The following COL5A1 variants were observed in gnomAD, a reference collection of about 807,000 sequenced individuals.
COL5A1 encodes collagen type V alpha 1 chain, also known as collagen alpha-1(V) chain.
In COL5A1, 16 loss-of-function variants were observed where a neutral mutation model predicts 263.7. The ratio of observed to expected loss-of-function variants is 0.06; its 90% CI spans 0.04 to 0.09. The LOEUF is 0.09. Ranked by LOEUF, COL5A1 falls within the 10% of genes least tolerant of loss-of-function variation. The probability of loss-of-function intolerance (pLI) is 1.00; values close to 1 mark genes in which losing one functional copy is unlikely to be tolerated. For synonymous variants in COL5A1, 1,012 were observed against 1,004.5 expected (o/e 1.01, Z -0.14); for missense variants, 2,036 against 2,540.5 (o/e 0.80, Z 4.27).
chr9:134,722,536 G>A (rs2132623258), intron 4 of COL5A1, among the ~76,000 whole-genome samples: 1 of 152,354 alleles, frequency 6.6e-6, no homozygotes, highest in South Asian at 2.1e-4. Flanking sequence ...TTCCGGGGAA[G>A]CAGAGCTGGA....
chr9:134,840,353 C>G (rs886849347), intron 65 of COL5A1, among the ~76,000 whole-genome samples: 4 of 152,162 alleles, frequency 2.6e-5, no homozygotes. Context: ...AAGTTTGGGA[C>G]TCTCATGGAT....
At chr9:134,669,211 T>C (rs1354975222) in intron 1 of COL5A1, among the ~76,000 whole-genome samples, 5 of 107,050 alleles carry the variant, frequency 4.7e-5, no homozygotes, top group East Asian at 6.0e-4. Flanking sequence ...TTCCCTTTCC[T>C]TTTCCCTTCC....
At chr9:134,707,271 C>CTAT (rs1236068573) in intron 4 of COL5A1, among the ~76,000 whole-genome samples, 1 of 152,210 alleles carries the variant, frequency 6.6e-6, no homozygotes, top group African/African-American at 2.4e-5. Flanking sequence ...ACCAAACAGA[C>CTAT]TATAAACTCC....
At chr9:134,655,045 G>T (rs567758734) in intron 1 of COL5A1, among the ~76,000 whole-genome samples, 1 of 122,168 alleles carries the variant, frequency 8.2e-6, no homozygotes, top group Non-Finnish European at 1.8e-5. Context: ...GGGTGTGTAG[G>T]GCTGGTGTGT....
chr9:134,759,204 C>CA (rs1564437054), intron 18 of COL5A1, among the ~76,000 whole-genome samples: 1 of 149,452 alleles, frequency 6.7e-6, no homozygotes, highest in East Asian at 2.0e-4. Flanking sequence ...TGAGTGCACA[C>CA]CCCCCATGCA....
intron 5 of COL5A1, among the ~76,000 whole-genome samples, chr9:134,727,957 G>A (rs1834722118): frequency 1.3e-5 from 2 of 152,334 alleles, no homozygotes; most frequent in South Asian, 4.1e-4. Context: ...CTTATTTGCA[G>A]TTCTTCCTAT....
chr9:134,805,086 G>A (rs765762523), intron 40 of COL5A1, 22 bp downstream of exon 40: 2 of 1,613,852 alleles, frequency 1.2e-6, no homozygotes, highest in Admixed American at 3.3e-5. Context: ...GCCAGGCGGG[G>A]AATGAAATGG....
chr9:134,784,304 T>TA (rs2132769496), intron 29 of COL5A1, among the ~76,000 whole-genome samples: 1 of 152,356 alleles, frequency 6.6e-6, no homozygotes, highest in Admixed American at 6.5e-5. Flanking sequence ...CAGCTGCTCT[T>TA]AGAGACAGAT....
intron 4 of COL5A1, among the ~76,000 whole-genome samples, chr9:134,722,514 G>A (rs1834501478): frequency 6.6e-6 from 1 of 152,228 alleles, no homozygotes; most frequent in Non-Finnish European, 1.5e-5. Context: ...CATGATCCAA[G>A]GAGCTTGGGG....
intron 1 of COL5A1, among the ~76,000 whole-genome samples, chr9:134,665,296 C>T (rs568628261): frequency 1.4e-4 from 22 of 152,310 alleles, no homozygotes; most frequent in Middle Eastern, 3.4e-3. Context: ...TGTGGAGAAC[C>T]GCTGTGCAGC....
At chr9:134,833,924 C>T (rs905316189) in intron 64 of COL5A1, among the ~76,000 whole-genome samples, 1 of 152,170 alleles carries the variant, frequency 6.6e-6, no homozygotes, top group Non-Finnish European at 1.5e-5. Context: ...AGATCAGGGT[C>T]CCTAAGCCAG....
chr9:134,682,025 C>A lies in COL5A1; in HGVS notation c.110-8887C>A, dbSNP rs768293073. Among the ~76,000 whole-genome samples, 3 of 152,136 alleles carry A rather than the reference C, an allele frequency of 2.0e-5. No individual in the cohort carries two copies. The highest frequency in any genetic ancestry group is 2.9e-5 in the Non-Finnish European group (2 of 68,030). On this transcript the variant is annotated intron_variant, in intron 1 of 65. Coordinates refer to ENST00000371817, the MANE Select transcript of COL5A1 (RefSeq NM_000093.5). The surrounding 1 kb of genome is among the most constrained non-coding windows in gnomAD (Gnocchi z 5.1). ...CCTTCCCCGAACCCCTGATCCCCAG[C>A]TCATTCTATCAAGTCCACCCTGGTC...
Position 134,642,172 on chromosome 9 carries a change from C to G in COL5A1, c.-16C>G, listed in dbSNP as rs1831311056. On this transcript the variant is annotated 5_prime_UTR_variant, in exon 1 of 66. Coordinates refer to ENST00000371817, the MANE Select transcript of COL5A1 (RefSeq NM_000093.5). The surrounding 1 kb of genome is among the most constrained non-coding windows in gnomAD (Gnocchi z 4.5). The stretch of plus-strand genomic sequence containing the variant: ...CTCCGAGCGCCCCTGTGCGCCCCGG[C>G]CCGCGCCCCGCCGGCATGGACGTCC... 1.6e-6 allele frequency: 2 copies of G among 1,251,218 alleles called. No homozygotes were observed. Among genetic ancestry groups the G allele is most frequent in the Admixed American group, 4.1e-5 (1 of 24,222 alleles). 77.5% of individuals were successfully genotyped at this position (1,251,218 alleles called of 1,614,324 possible).
Position 134,758,210 on chromosome 9 carries a change from G to T in COL5A1, c.1882-33G>T. ...GCGGGGTGTCCACGTGTGCAGGGTG[G>T]CGTCTGAGGCAGCCTTTCTGTCCTT... is the stretch of plus-strand genomic sequence containing the variant. On this transcript the variant is annotated intron_variant, in intron 17 of 65. Transcript: ENST00000371817. This position sits in a 1 kb window ranked among gnomAD's most constrained non-coding sequence, Gnocchi z 4.1. The T allele has an allele frequency of 6.2e-7, 1 of 1,613,424 alleles. No individual in the cohort carries two copies. Among genetic ancestry groups the T allele is most frequent in the Middle Eastern group, 1.7e-4 (1 of 5,970 alleles).
intron 2 of COL5A1, among the ~76,000 whole-genome samples, chr9:134,698,738 C>T (rs11103468): frequency 0.042 from 6,405 of 152,328 alleles, 151 homozygotes; most frequent in South Asian, 0.077. Flanking sequence ...GCGCTGCTGC[C>T]GCAGATCCAG....
chr9:134,823,606 C>T (rs1839118681), intron 61 of COL5A1, 137 bp downstream of exon 61: 1 of 848,400 alleles, frequency 1.2e-6, no homozygotes, highest in Non-Finnish European at 1.9e-6. Context: ...TTGTCCCTCG[C>T]ACGCAGCCGG....
intron 4 of COL5A1, among the ~76,000 whole-genome samples, chr9:134,718,083 G>T (rs923218184): frequency 3.3e-5 from 5 of 152,198 alleles, no homozygotes; most frequent in African/African-American, 1.2e-4. Context: ...GGCTTATGGG[G>T]CTCTCCAATG....
At chr9:134,792,785 A>G (rs1016735342) in intron 32 of COL5A1, among the ~76,000 whole-genome samples, 1,009 of 46,900 alleles carry the variant, frequency 0.022, 9 homozygotes, top group African/African-American at 0.065. Context: ...GTGTGTACAT[A>G]TGTGTGTGTG....
intron 51 of COL5A1, 74 bp downstream of exon 51, chr9:134,815,703 C>T: frequency 2.0e-6 from 3 of 1,518,766 alleles, no homozygotes; most frequent in Non-Finnish European, 1.8e-6. Flanking sequence ...CATTTCCCCT[C>T]TTTCTGGTGG....
Sources: gnomAD v4.1 joint callset for allele counts (sites outside exome capture counted in the v4.1 genomes callset) on GRCh38, gnomAD v4.1.1 for gene constraint, Gnocchi (gnomAD v3.1) non-coding constraint, MANE v1.5 for transcripts, NCBI Gene and HGNC (gene_info 2026-07-23, HGNC 2026-07-21) for gene names.